TCF12: variants seen among roughly 807,000 people sequenced by gnomAD.
The protein encoded by TCF12 is transcription factor 12.
Under a neutral mutation model 86.0 loss-of-function variants are expected in TCF12, and 45 were observed. The ratio of observed to expected loss-of-function variants is 0.52; its 90% CI spans 0.41 to 0.67. The LOEUF (loss-of-function observed/expected upper bound fraction) is 0.67, where lower values mean the gene tolerates loss of function less well. TCF12 is among the 30% of genes least tolerant of loss of function. The probability of loss-of-function intolerance (pLI) is 0.00; values close to 1 mark genes in which losing one functional copy is unlikely to be tolerated. For synonymous variants in TCF12, 330 were observed against 299.6 expected (o/e 1.10, Z -1.05); for missense variants, 881 against 859.9 (o/e 1.02, Z -0.31).
At chr15:57,037,433 A>AC (rs1181747971) in intron 3 of TCF12, among the ~76,000 whole-genome samples, 139 of 133,700 alleles carry the variant, frequency 1.0e-3, no homozygotes, top group Middle Eastern at 3.8e-3. Context: ...AAGAGCTCAA[A>AC]AAAACAAACA....
rs986375823 is a variant in TCF12, at chr15:57,252,356, C to T, written c.1189-65C>T. 5 of 1,246,030 alleles carry T rather than the reference C, an allele frequency of 4.0e-6. No homozygotes were observed. In the African/African-American group the frequency reaches 4.5e-5, roughly 11 times the overall value. The allele number at this position is 1,246,030 out of a possible 1,614,324, so 77.2% of individuals were successfully genotyped here. A position where few individuals can be genotyped will look rare whatever the true frequency, so the allele number is the denominator to read the frequency against. The stretch of plus-strand genomic sequence containing the variant: ...ATGCTGACATGCATATCAGCTATTT[C>T]CTCATCTCTTTTGGAGTTAATCTTA... On this transcript the variant is annotated intron_variant, in intron 14 of 20. Transcript: ENST00000333725.
At chr15:57,107,611 C>T (rs932087554) in intron 5 of TCF12, among the ~76,000 whole-genome samples, 1 of 152,054 alleles carries the variant, frequency 6.6e-6, no homozygotes, top group Non-Finnish European at 1.5e-5. Context: ...ATTGGCCAGG[C>T]ATGGTGGCTC....
intron 16 of TCF12, among the ~76,000 whole-genome samples, chr15:57,259,713 C>G (rs1567003672): frequency 6.6e-6 from 1 of 152,218 alleles, no homozygotes; most frequent in Non-Finnish European, 1.5e-5. Context: ...CCCCTAACAG[C>G]GGCAGCCTGT....
At position 57,091,877 on chromosome 15, in the gene TCF12, A is replaced by G. The variant is rs539588697; in HGVS notation, c.311A>G (p.Asn104Ser). The G allele has an allele frequency of 7.4e-6, 12 of 1,613,394 alleles. No homozygotes were observed. The highest frequency in any genetic ancestry group is 1.0e-5 in the Non-Finnish European group (12 of 1,179,540). ...HEGLSPTPFM[N>S]SNLMGKTSER... ...GGCTTGTCCCCAACACCTTTCATGA[A>G]CTCAAATCTGATGGGTAAGTTGGTA... Residue 104 changes from asparagine (N) to serine (S), a missense_variant, in exon 5 of 21, where the codon AAC (asparagine) becomes AGC (serine). Physicochemically the swap from Asn to Ser is conservative, Grantham distance 46. Transcript: ENST00000333725.
chr15:57,078,131 GTT>G (rs1291551412), intron 4 of TCF12, among the ~76,000 whole-genome samples: 1 of 152,116 alleles, frequency 6.6e-6, no homozygotes, highest in African/African-American at 2.4e-5. Context: ...TTATCAATAT[GTT>G]TCATTTTGCT....
intron 18 of TCF12, among the ~76,000 whole-genome samples, chr15:57,267,420 G>C (rs1324823787): frequency 6.6e-6 from 1 of 152,188 alleles, no homozygotes; most frequent in African/African-American, 2.4e-5. Context: ...CCACTCTTTG[G>C]AGGCATCTTA....
intron 8 of TCF12, among the ~76,000 whole-genome samples, chr15:57,216,493 A>G (rs1356726606): frequency 6.6e-6 from 1 of 151,898 alleles, no homozygotes; most frequent in Non-Finnish European, 1.5e-5. Flanking sequence ...CAGGTTTAAA[A>G]ATTGGCCCTG....
intron 6 of TCF12, 114 bp from the exon 7 acceptor site, chr15:57,192,044 G>T: frequency 8.6e-7 from 1 of 1,163,116 alleles, no homozygotes; most frequent in Non-Finnish European, 1.2e-6. Context: ...CTTAATGGGT[G>T]CGTTCTAAGT....
intron 20 of TCF12, among the ~76,000 whole-genome samples, chr15:57,285,232 A>G (rs546854518): frequency 6.6e-6 from 1 of 152,356 alleles, no homozygotes. Context: ...ATGTAGGCCA[A>G]GTAGCTTTGA....
chr15:57,018,719 G>C (rs1046430227), intron 3 of TCF12, among the ~76,000 whole-genome samples: 4 of 152,102 alleles, frequency 2.6e-5, no homozygotes, highest in African/African-American at 9.7e-5. Context: ...AGGATTACAG[G>C]CATGAGCCAC....
In TCF12 at chr15:56,955,918, T is replaced by TA. The variant is rs142798799; in HGVS notation, c.148+34822dup. On this transcript the variant is annotated intron_variant, in intron 3 of 20. Coordinates refer to ENST00000333725, the MANE Select transcript of TCF12 (RefSeq NM_207037.2). ...TTTACATATTTTGAATCTCTGTCTT[T>TA]AAGTGCATTAATGCTTAGTAGTATT... Among the ~76,000 whole-genome samples the TA allele has an allele frequency of 1.6e-3, 247 of 152,326 alleles. 6 individuals are homozygous for TA. The East Asian group carries it at 0.04, about 24-fold the overall frequency.
chr15:56,944,595 G>T (rs1019615697), intron 3 of TCF12, among the ~76,000 whole-genome samples: 3 of 152,098 alleles, frequency 2.0e-5, no homozygotes. Flanking sequence ...AGTTCTACTT[G>T]CCAGGAGCCA....
At chr15:57,232,463 C>T (rs1421382746) in intron 10 of TCF12, 33 bp downstream of exon 10, 1 of 1,555,484 alleles carries the variant, frequency 6.4e-7, no homozygotes, top group Middle Eastern at 1.7e-4. Context: ...GGTACAGCAA[C>T]ACTTTGTCCT....
At chr15:57,145,486 T>TAA (rs1341928474) in intron 5 of TCF12, among the ~76,000 whole-genome samples, 317 of 149,722 alleles carry the variant, frequency 2.1e-3, no homozygotes, top group African/African-American at 7.5e-3. Context: ...TTGAAATATG[T>TAA]AAAAAAAAAA....
At chr15:57,077,323 ATATATGTGTGTGTGTGTGTGTGTG>A (rs1427547157) in intron 4 of TCF12, among the ~76,000 whole-genome samples, 1,055 of 35,680 alleles carry the variant, frequency 0.03, 63 homozygotes, top group African/African-American at 0.12. Flanking sequence ...ATATATGTAT[ATATATGTGTGTGTGTGTGTGTGTG>A]TGTGTGTGTG....
At chr15:57,255,777 C>T (rs899546370) in intron 16 of TCF12, among the ~76,000 whole-genome samples, 8 of 151,848 alleles carry the variant, frequency 5.3e-5, no homozygotes, top group African/African-American at 1.7e-4. Flanking sequence ...CCACTGCACC[C>T]GGCCAGAGAT....
At chr15:57,037,553 C>T (rs2066591688) in intron 3 of TCF12, among the ~76,000 whole-genome samples, 1 of 152,136 alleles carries the variant, frequency 6.6e-6, no homozygotes, top group African/African-American at 2.4e-5. Flanking sequence ...GATAAAGAAG[C>T]CATTCTGGGT....
chr15:57,129,239 C>A (rs551539133), intron 5 of TCF12, among the ~76,000 whole-genome samples: 35 of 152,348 alleles, frequency 2.3e-4, no homozygotes, highest in African/African-American at 8.4e-4. Context: ...GAAAACCTCA[C>A]TGAGGTTTTG....
intron 3 of TCF12, among the ~76,000 whole-genome samples, chr15:56,937,668 T>C (rs2060529090): frequency 6.6e-6 from 1 of 152,184 alleles, no homozygotes; most frequent in South Asian, 2.1e-4. Flanking sequence ...TTCAGTATTA[T>C]GTTGGCTGTG....
Sources: allele counts gnomAD v4.1 joint callset (sites outside exome capture counted in the v4.1 genomes callset), GRCh38; gene constraint gnomAD v4.1.1; transcripts MANE v1.5; gene names NCBI Gene and HGNC (gene_info 2026-07-23, HGNC 2026-07-21).